Variants in TSHZ2 observed in about 807,000 individuals in gnomAD.
TSHZ2 encodes teashirt zinc finger homeobox 2, also known as teashirt homolog 2.
Under a neutral mutation model 74.4 loss-of-function variants are expected in TSHZ2, and 21 were observed. The observed-to-expected ratio is 0.28, with a 90% CI of 0.20 to 0.41. The LOEUF (loss-of-function observed/expected upper bound fraction) is 0.41, where lower values mean the gene tolerates loss of function less well. Among genes scored for constraint, TSHZ2 ranks in the 10% least tolerant of loss-of-function variants. TSHZ2 has a pLI of 1.00. For missense variants in TSHZ2, 1,244 were observed against 1,293.5 expected, an observed-to-expected ratio of 0.96 and a Z score of 0.59; for synonymous variants, 540 against 515.3, an observed-to-expected ratio of 1.05 and a Z score of -0.65.
chr20:53,122,880 T>C (rs936291555), intron 1 of TSHZ2, among the ~76,000 whole-genome samples: 1 of 152,214 alleles, frequency 6.6e-6, no homozygotes, highest in Non-Finnish European at 1.5e-5. Context: ...CCCCCACTTC[T>C]GATTAAATAC....
chr20:52,986,850 GA>G (rs1981784730), intron 1 of TSHZ2, among the ~76,000 whole-genome samples: 1 of 152,216 alleles, frequency 6.6e-6, no homozygotes, highest in African/African-American at 2.4e-5. Context: ...ATTACGGCAA[GA>G]AAAAAGAAGG....
chr20:53,120,694 C>T (rs1039441270), intron 1 of TSHZ2, among the ~76,000 whole-genome samples: 2 of 152,118 alleles, frequency 1.3e-5, no homozygotes, highest in Non-Finnish European at 2.9e-5. Flanking sequence ...TACTTAAACT[C>T]TTACCTCTTA....
At chr20:53,101,035 T>C (rs1196893430) in intron 1 of TSHZ2, among the ~76,000 whole-genome samples, 1 of 152,212 alleles carries the variant, frequency 6.6e-6, no homozygotes, top group Non-Finnish European at 1.5e-5. Context: ...CATTAGTACC[T>C]TTTACCTGGT....
intron 1 of TSHZ2, among the ~76,000 whole-genome samples, chr20:53,080,554 A>G (rs1218334536): frequency 6.6e-6 from 1 of 152,142 alleles, no homozygotes; most frequent in African/African-American, 2.4e-5. Context: ...TTCAGGATGA[A>G]AGTCTTTCAC....
intron 1 of TSHZ2, among the ~76,000 whole-genome samples, chr20:53,191,701 A>T (rs1200347184): frequency 2.0e-5 from 3 of 152,062 alleles, no homozygotes; most frequent in Non-Finnish European, 4.4e-5. Flanking sequence ...TCACTTTGGA[A>T]CCCTTCTTTC....
chr20:53,275,783 C>G (rs1990934347), intron 2 of TSHZ2, among the ~76,000 whole-genome samples: 1 of 152,096 alleles, frequency 6.6e-6, no homozygotes, highest in Non-Finnish European at 1.5e-5. Flanking sequence ...CAAAATTAGC[C>G]AGGCGCGGTG....
At chr20:53,102,315 A>G (rs1568759857) in intron 1 of TSHZ2, among the ~76,000 whole-genome samples, 1 of 152,200 alleles carries the variant, frequency 6.6e-6, no homozygotes, top group Non-Finnish European at 1.5e-5. Context: ...ACACAGTGCT[A>G]GAGCATCTGT....
At chr20:53,229,255 G>A (rs1413411266) in intron 1 of TSHZ2, among the ~76,000 whole-genome samples, 1 of 152,100 alleles carries the variant, frequency 6.6e-6, no homozygotes. Flanking sequence ...CCCCCTAGAG[G>A]AGCAGCTAAC....
chr20:53,378,644 A>G (rs1981747472), intron 2 of TSHZ2, among the ~76,000 whole-genome samples: 1 of 152,176 alleles, frequency 6.6e-6, no homozygotes, highest in East Asian at 1.9e-4. Context: ...AAAATGGGAA[A>G]CATACATCTC....
intron 1 of TSHZ2, among the ~76,000 whole-genome samples, chr20:53,140,658 C>T (rs1987373966): frequency 6.6e-6 from 1 of 152,088 alleles, no homozygotes. Flanking sequence ...TATTCCCTGG[C>T]CTTGCCAGGT....
At chr20:53,460,518 T>C (rs546303249) in intron 2 of TSHZ2, among the ~76,000 whole-genome samples, 43 of 152,268 alleles carry the variant, frequency 2.8e-4, no homozygotes, top group African/African-American at 9.6e-4. Flanking sequence ...TCAGAGTAAT[T>C]TGATCGTCTG....
At position 53,340,173 on chromosome 20, in the gene TSHZ2, C is replaced by CTTTT. The variant is rs1285149762; in HGVS notation, c.*8+83605_*8+83606insTTTT. Among the ~76,000 whole-genome samples the CTTTT allele has an allele frequency of 5.5e-4, 34 of 62,100 alleles. 1 individual carries two copies. The highest frequency in any genetic ancestry group is 2.6e-3 in the African/African-American group (33 of 12,576). The allele number at this position is 62,100 out of a possible 152,430, so 40.7% of individuals were successfully genotyped here. On this transcript the variant is annotated intron_variant, in intron 2 of 2. Transcript: ENST00000371497. ...GCTAGGATAAAACAAGGTGACTTTT[C>CTTTT]TTTCTTTTTTCTTTTTTTTTTTTTT... is the stretch of plus-strand genomic sequence containing the variant.
intron 1 of TSHZ2, among the ~76,000 whole-genome samples, chr20:53,065,175 C>CT (rs1984941992): frequency 6.6e-6 from 1 of 152,172 alleles, no homozygotes; most frequent in Admixed American, 6.5e-5. Context: ...TGGTGACACT[C>CT]TAAGTATGAT....
intron 2 of TSHZ2, among the ~76,000 whole-genome samples, chr20:53,439,387 C>T (rs137911525): frequency 5.4e-4 from 82 of 152,270 alleles, no homozygotes; most frequent in African/African-American, 1.7e-3. Context: ...GAGAATTGGC[C>T]GTGACCAAGT....
intron 2 of TSHZ2, among the ~76,000 whole-genome samples, chr20:53,389,411 A>G (rs1033829119): frequency 1.3e-5 from 2 of 152,232 alleles, no homozygotes; most frequent in Admixed American, 1.3e-4. Flanking sequence ...TGTTCAGAGG[A>G]AATTGTGTCT....
At chr20:53,399,828 T>G (rs1982586872) in intron 2 of TSHZ2, 1 of 152,268 alleles carries the variant, frequency 6.6e-6, no homozygotes, top group African/African-American at 2.4e-5. Flanking sequence ...GGTTGCCAAA[T>G]GCAAGAGAGT....
At chr20:52,998,567 T>G (rs991072018) in intron 1 of TSHZ2, among the ~76,000 whole-genome samples, 7 of 152,198 alleles carry the variant, frequency 4.6e-5, no homozygotes, top group Non-Finnish European at 8.8e-5. Context: ...AGCCTTTAGA[T>G]TAGGTTAAAT....
chr20:53,439,441 G>A (rs2145752529), intron 2 of TSHZ2, among the ~76,000 whole-genome samples: 1 of 152,252 alleles, frequency 6.6e-6, no homozygotes, highest in African/African-American at 2.4e-5. Context: ...GCCATTTCTG[G>A]TCATGAAAAT....
chr20:53,292,789 G>T (rs1165493541), intron 2 of TSHZ2, among the ~76,000 whole-genome samples: 1 of 152,162 alleles, frequency 6.6e-6, no homozygotes, highest in Non-Finnish European at 1.5e-5. Flanking sequence ...CAGAGCAATG[G>T]CTCCTTTAAT....
Sources: allele counts gnomAD v4.1 joint callset (sites outside exome capture counted in the v4.1 genomes callset), GRCh38; gene constraint gnomAD v4.1.1; transcripts MANE v1.5; gene names NCBI Gene and HGNC (gene_info 2026-07-23, HGNC 2026-07-21).